The following RPH3A variants were observed in gnomAD, a reference collection of about 807,000 sequenced individuals.
RPH3A encodes the protein rabphilin 3A, also known as rabphilin-3A.
In RPH3A, 48 loss-of-function variants were observed where a neutral mutation model predicts 102.2. That is an observed-to-expected ratio of 0.47 (90% CI 0.37 to 0.60). RPH3A has a LOEUF of 0.60. RPH3A is among the 20% of genes least tolerant of loss of function. The pLI, the probability that RPH3A is intolerant of heterozygous loss-of-function variation, is 0.00. For missense variants in RPH3A, 781 were observed against 910.1 expected (o/e 0.86, Z 1.83); for synonymous variants, 310 against 324.3 (o/e 0.96, Z 0.47).
intron 1 of RPH3A, among the ~76,000 whole-genome samples, chr12:112,619,214 A>G (rs993833127): frequency 6.6e-6 from 1 of 151,200 alleles, no homozygotes; most frequent in African/African-American, 2.4e-5. Flanking sequence ...TCTTGGGTAT[A>G]TACCCAGGAA....
intron 1 of RPH3A, among the ~76,000 whole-genome samples, chr12:112,696,917 T>C (rs571207132): frequency 1.5e-4 from 23 of 149,756 alleles, no homozygotes; most frequent in Admixed American, 4.0e-4. Flanking sequence ...TTTTCTTTCT[T>C]TTTTTTTTAC....
At chr12:112,867,631 T>C (rs763344735) in intron 7 of RPH3A, among the ~76,000 whole-genome samples, 8 of 152,172 alleles carry the variant, frequency 5.3e-5, no homozygotes, top group Non-Finnish European at 8.8e-5. Context: ...GCTGAAGAGA[T>C]AGAGGAGGGA....
chr12:112,739,041 C>T (rs988484043), intron 1 of RPH3A, among the ~76,000 whole-genome samples: 3 of 152,154 alleles, frequency 2.0e-5, no homozygotes, highest in Non-Finnish European at 2.9e-5. Flanking sequence ...CAGGGAGCAG[C>T]TTGTAACTGT....
At position 112,684,185 on chromosome 12, in the gene RPH3A, G is replaced by C. The variant is rs973625355; in HGVS notation, c.-139-107958G>C. ...CATATTGACAGACATTCCAAATTGC[G>C]CTCCTAAAACATTGTACCAGTTTAG... On this transcript the variant is annotated intron_variant, in intron 1 of 21. Coordinates refer to the RPH3A transcript ENST00000543106. 1.3e-5 allele frequency among the ~76,000 whole-genome samples: 2 copies of C among 152,044 alleles called. 1 individual carries two copies. Among genetic ancestry groups the C allele is most frequent in the South Asian group, 4.1e-4 (2 of 4,820 alleles).
intron 2 of RPH3A, among the ~76,000 whole-genome samples, chr12:112,811,302 C>G (rs1163417384): frequency 6.6e-6 from 1 of 152,134 alleles, no homozygotes; most frequent in African/African-American, 2.4e-5. Context: ...ATTTAATATA[C>G]TGTTGATTCC....
At chr12:112,864,179 G>A (rs970329105) in intron 5 of RPH3A, among the ~76,000 whole-genome samples, 2 of 152,156 alleles carry the variant, frequency 1.3e-5, no homozygotes, top group Admixed American at 6.5e-5. Flanking sequence ...CAGGCCAGGC[G>A]CAGGGGCTCA....
intron 1 of RPH3A, among the ~76,000 whole-genome samples, chr12:112,632,300 G>A (rs1300951104): frequency 1.3e-5 from 2 of 152,060 alleles, no homozygotes; most frequent in African/African-American, 2.4e-5. Context: ...GTGTGAAAAC[G>A]GACTCATACA....
At chr12:112,643,834 G>A (rs370493766) in intron 1 of RPH3A, among the ~76,000 whole-genome samples, 2 of 152,138 alleles carry the variant, frequency 1.3e-5, no homozygotes, top group Non-Finnish European at 2.9e-5. Flanking sequence ...CAAAGGAAAA[G>A]AAATCATTAA....
chr12:112,722,307 G>A (rs575603204), intron 1 of RPH3A, among the ~76,000 whole-genome samples: 147 of 152,326 alleles, frequency 9.7e-4, no homozygotes, highest in African/African-American at 3.5e-3. Flanking sequence ...TCTGTAGGTA[G>A]GCATGAGACT....
intron 5 of RPH3A, among the ~76,000 whole-genome samples, chr12:112,858,966 G>A (rs1483745414): frequency 6.6e-6 from 1 of 152,216 alleles, no homozygotes; most frequent in Non-Finnish European, 1.5e-5. Flanking sequence ...AGGATGTCAG[G>A]TGTGAGTCGT....
chr12:112,606,832 G>A (rs1403779811), intron 1 of RPH3A, among the ~76,000 whole-genome samples: 1 of 152,100 alleles, frequency 6.6e-6, no homozygotes, highest in Non-Finnish European at 1.5e-5. Flanking sequence ...AGAACAGCAA[G>A]GGGGAGCTCC....
In RPH3A at chr12:112,620,982, A is replaced by C. The variant is rs78946577; in HGVS notation, c.-140+45663A>C. 5.3e-3 allele frequency among the ~76,000 whole-genome samples: 788 copies of C among 149,754 alleles called. 12 individuals are homozygous for C. Among genetic ancestry groups the C allele is most frequent in the African/African-American group, 0.019 (766 of 40,870 alleles). Reference sequence around the variant, plus strand: ...CTCAGCCTGTTCTGTTTTAGTTCCCACATATCTTCCTATTTTTTAACATTA... The same window carrying C: ...CTCAGCCTGTTCTGTTTTAGTTCCCCCATATCTTCCTATTTTTTAACATTA... On this transcript the variant is annotated intron_variant, in intron 1 of 21. Transcript: ENST00000543106.
intron 1 of RPH3A, among the ~76,000 whole-genome samples, chr12:112,646,844 G>C (rs1434533036): frequency 6.6e-6 from 1 of 152,186 alleles, no homozygotes. Flanking sequence ...TGCCTGGTGA[G>C]AGTCCCCAAC....
chr12:112,871,035 C>G (rs769366680), intron 10 of RPH3A, among the ~76,000 whole-genome samples: 21 of 152,196 alleles, frequency 1.4e-4, no homozygotes, highest in Non-Finnish European at 2.5e-4. Context: ...CTCAGAGAGG[C>G]GATGCTACTT....
intron 1 of RPH3A, chr12:112,718,002 C>G (rs1171839991): frequency 6.6e-6 from 1 of 152,170 alleles, no homozygotes; most frequent in African/African-American, 2.4e-5. Context: ...TTTCTCTTCT[C>G]CAGGCAACGT....
chr12:112,704,788 G>A (rs763277442), intron 1 of RPH3A, among the ~76,000 whole-genome samples: 1 of 152,142 alleles, frequency 6.6e-6, no homozygotes, highest in Non-Finnish European at 1.5e-5. Flanking sequence ...CTGACTTTGG[G>A]AGAGTACACT....
intron 1 of RPH3A, among the ~76,000 whole-genome samples, chr12:112,685,661 C>A (rs1237887709): frequency 6.6e-6 from 1 of 152,146 alleles, no homozygotes; most frequent in Non-Finnish European, 1.5e-5. Flanking sequence ...TTTTTCCCAG[C>A]CTTTGGGCCA....
chr12:112,749,002 G>A (rs531276133), intron 1 of RPH3A, among the ~76,000 whole-genome samples: 2 of 152,238 alleles, frequency 1.3e-5, no homozygotes, highest in African/African-American at 4.8e-5. Context: ...GATCCTTGAG[G>A]ATGCTCTCAT....
At chr12:112,821,539 CT>C (rs952688384) in intron 2 of RPH3A, among the ~76,000 whole-genome samples, 3 of 152,296 alleles carry the variant, frequency 2.0e-5, no homozygotes, top group African/African-American at 7.2e-5. Context: ...ACTTTTTCCT[CT>C]GCCTGAAATG....
Sources: allele counts gnomAD v4.1 joint callset (sites outside exome capture counted in the v4.1 genomes callset), GRCh38; gene constraint gnomAD v4.1.1; transcripts MANE v1.5; gene names NCBI Gene and HGNC (gene_info 2026-07-23, HGNC 2026-07-21).